The following KIAA1549L variants were observed in gnomAD, a reference collection of about 807,000 sequenced individuals.
KIAA1549L encodes UPF0606 protein KIAA1549L.
In KIAA1549L, 88 loss-of-function variants were observed where a neutral mutation model predicts 160.7. That is an observed-to-expected ratio of 0.55 (90% CI 0.46 to 0.65). KIAA1549L has a LOEUF of 0.65. Among genes scored for constraint, KIAA1549L ranks in the 30% least tolerant of loss-of-function variants. The pLI is 0.00. For missense variants in KIAA1549L, 2,258 were observed against 2,437.5 expected, an observed-to-expected ratio of 0.93 and a Z score of 1.55; for synonymous variants, 950 against 976.7, an observed-to-expected ratio of 0.97 and a Z score of 0.51.
Position 33,404,962 on chromosome 11 carries a change from C to T in KIAA1549L, c.238+28073C>T, listed in dbSNP as rs960919080. On this transcript the variant is annotated intron_variant, in intron 1 of 20. Transcript: ENST00000658780. Reference sequence around the variant, plus strand: ...GGTGGAGGTTGCAGTGAGCCAAGATCGCACCACTGCACTCCAGCCTGGGCG... The same window carrying T: ...GGTGGAGGTTGCAGTGAGCCAAGATTGCACCACTGCACTCCAGCCTGGGCG... Among the ~76,000 whole-genome samples the T allele has an allele frequency of 1.7e-4, 25 of 146,074 alleles. No individual in the cohort carries two copies. The East Asian group carries it at 3.0e-3, about 18-fold the overall frequency.
At chr11:33,615,902 T>G (rs547096693) in intron 15 of KIAA1549L, among the ~76,000 whole-genome samples, 2 of 152,348 alleles carry the variant, frequency 1.3e-5, no homozygotes, top group South Asian at 2.1e-4. Context: ...AGGTCAAGGA[T>G]GAGAATTCCT....
chr11:33,544,903 A>G lies in KIAA1549L; in HGVS notation c.2910A>G (p.Ser970=). The G allele has an allele frequency of 6.2e-7, 1 of 1,613,502 alleles. No individual in the cohort carries two copies. The highest frequency in any genetic ancestry group is 8.5e-7 in the Non-Finnish European group (1 of 1,179,636). Residue 970 remains serine, a synonymous_variant, in exon 3 of 21, where the codon TCA becomes TCG. Coordinates refer to ENST00000658780, the MANE Select transcript of KIAA1549L (RefSeq NM_012194.3). ...GTSSSPLAVA[S]GPAKSSSMTT... ...GCAGCAGCCCTTTGGCCGTGGCCTC[A>G]GGACCAGCTAAGAGCAGTTCGATGA...
At chr11:33,537,689 T>G (rs938820913) in intron 1 of KIAA1549L, among the ~76,000 whole-genome samples, 1 of 152,232 alleles carries the variant, frequency 6.6e-6, no homozygotes, top group Non-Finnish European at 1.5e-5. Context: ...CCAGTTTCTT[T>G]TTCACATGTT....
At chr11:33,474,587 C>T (rs1852245760) in intron 1 of KIAA1549L, among the ~76,000 whole-genome samples, 1 of 152,242 alleles carries the variant, frequency 6.6e-6, no homozygotes, top group African/African-American at 2.4e-5. Context: ...ACTCTCTATC[C>T]TGGCACTAAT....
At chr11:33,430,067 G>A (rs942068484) in intron 1 of KIAA1549L, among the ~76,000 whole-genome samples, 4 of 61,208 alleles carry the variant, frequency 6.5e-5, no homozygotes, top group East Asian at 5.7e-4. Context: ...TCTCTCCTCC[G>A]TTCCTCCCTT....
At chr11:33,540,808 ACAGT>A (rs1348683872) in intron 1 of KIAA1549L, among the ~76,000 whole-genome samples, 4 of 152,156 alleles carry the variant, frequency 2.6e-5, no homozygotes, top group South Asian at 2.1e-4. Context: ...TGATCAGGAG[ACAGT>A]CAGGCTGAGC....
chr11:33,415,934 A>C (rs1463960396), intron 1 of KIAA1549L, among the ~76,000 whole-genome samples: 1 of 151,980 alleles, frequency 6.6e-6, no homozygotes, highest in East Asian at 1.9e-4. Flanking sequence ...CCTGGATTCA[A>C]GCGGACTTAT....
intron 1 of KIAA1549L, among the ~76,000 whole-genome samples, chr11:33,382,744 C>T (rs1469816212): frequency 6.6e-6 from 1 of 152,134 alleles, no homozygotes; most frequent in Non-Finnish European, 1.5e-5. Flanking sequence ...TCTCATCCTT[C>T]CCATCCCCAC....
intron 16 of KIAA1549L, among the ~76,000 whole-genome samples, chr11:33,641,580 A>G (rs1186108431): frequency 0.032 from 53 of 1,642 alleles, no homozygotes; most frequent in South Asian, 0.064. Flanking sequence ...CTGTATATAT[A>G]TATATATATA....
At chr11:33,562,741 C>T (rs192649264) in intron 8 of KIAA1549L, among the ~76,000 whole-genome samples, 75 of 149,218 alleles carry the variant, frequency 5.0e-4, no homozygotes, top group Middle Eastern at 3.4e-3. Context: ...TGCAATGACG[C>T]GGTCTCGGCT....
chr11:33,672,125 G>GAGAC lies in KIAA1549L; in HGVS notation c.*3974_*3977dup, dbSNP rs2133477714. ...ACGGCTCCCCTACAGGAAAGGGATG[G>GAGAC]AGACAGCTACCTTTGCTCTTGCTCT... On this transcript the variant is annotated 3_prime_UTR_variant, in exon 21 of 21. Transcript: ENST00000658780. 6.6e-6 allele frequency: 1 copy of GAGAC among 152,364 alleles called. No homozygotes were observed. Among genetic ancestry groups the GAGAC allele is most frequent in the East Asian group, 1.9e-4 (1 of 5,186 alleles). The allele number at this position is 152,364 out of a possible 1,614,324, so 9.4% of individuals were successfully genotyped here. A position where few individuals can be genotyped will look rare whatever the true frequency, so the allele number is the denominator to read the frequency against.
intron 20 of KIAA1549L, among the ~76,000 whole-genome samples, chr11:33,666,531 T>C (rs1441555818): frequency 6.6e-6 from 1 of 152,160 alleles, no homozygotes; most frequent in African/African-American, 2.4e-5. Context: ...TGTCTGTGGG[T>C]GCTTATTCTA....
chr11:33,659,242 G>T (rs951447819), intron 19 of KIAA1549L, among the ~76,000 whole-genome samples: 1 of 152,028 alleles, frequency 6.6e-6, no homozygotes, highest in African/African-American at 2.4e-5. Context: ...GGTGATCCCG[G>T]GCTTCAGGTG....
At chr11:33,659,481 C>T (rs1226825499) in intron 19 of KIAA1549L, among the ~76,000 whole-genome samples, 1 of 152,194 alleles carries the variant, frequency 6.6e-6, no homozygotes, top group Non-Finnish European at 1.5e-5. Context: ...ACAGTTTAGA[C>T]TTTTCCCTAT....
At chr11:33,407,430 C>G (rs1200400152) in intron 1 of KIAA1549L, among the ~76,000 whole-genome samples, 2 of 152,064 alleles carry the variant, frequency 1.3e-5, no homozygotes, top group African/African-American at 2.4e-5. Flanking sequence ...CAACCTCTGC[C>G]TCCCGGGTTC....
chr11:33,497,646 T>C (rs1178266739), intron 1 of KIAA1549L, among the ~76,000 whole-genome samples: 3 of 152,222 alleles, frequency 2.0e-5, no homozygotes, highest in Admixed American at 2.0e-4. Flanking sequence ...AGTGCTTTCA[T>C]TTGTTCCTAT....
intron 6 of KIAA1549L, among the ~76,000 whole-genome samples, chr11:33,558,388 T>G (rs1424987364): frequency 6.6e-6 from 1 of 152,150 alleles, no homozygotes; most frequent in Admixed American, 6.5e-5. Context: ...TTTGACCCCG[T>G]GAGGAGGGAG....
intron 1 of KIAA1549L, among the ~76,000 whole-genome samples, chr11:33,462,415 A>AT (rs776191864): frequency 1.3e-5 from 2 of 152,206 alleles, no homozygotes; most frequent in Non-Finnish European, 2.9e-5. Flanking sequence ...CCATTATGCA[A>AT]TATCTGTAAA....
At chr11:33,424,343 A>C (rs1354689275) in intron 1 of KIAA1549L, among the ~76,000 whole-genome samples, 3 of 152,122 alleles carry the variant, frequency 2.0e-5, no homozygotes, top group African/African-American at 4.8e-5. Flanking sequence ...TCTTCACCAC[A>C]ACAAGTTCAT....
Sources: allele counts gnomAD v4.1 joint callset (sites outside exome capture counted in the v4.1 genomes callset), GRCh38; gene constraint gnomAD v4.1.1; transcripts MANE v1.5; gene names NCBI Gene and HGNC (gene_info 2026-07-23, HGNC 2026-07-21).